ZNF761: variants seen among roughly 807,000 people sequenced by gnomAD.
The protein encoded by ZNF761 is zinc finger protein 761.
ZNF761 carries 43 observed loss-of-function variants against 59.9 expected under a neutral mutation model. The observed-to-expected ratio is 0.72, with a 90% CI of 0.56 to 0.92. The LOEUF is 0.92. Ranked by LOEUF, ZNF761 falls within the 40% of genes least tolerant of loss-of-function variation. The probability of loss-of-function intolerance (pLI) is 0.00; values close to 1 mark genes in which losing one functional copy is unlikely to be tolerated. For synonymous variants in ZNF761, 294 were observed against 304.8 expected, an observed-to-expected ratio of 0.96 and a Z score of 0.37; for missense variants, 850 against 906.1, an observed-to-expected ratio of 0.94 and a Z score of 0.79.
chr19:53,456,251 G>A lies in ZNF761; in HGVS notation c.1744G>A (p.Asp582Asn). Reference protein sequence around the residue: ...HSGENPYKCEDSDKAYSFKSN... With the variant: ...HSGENPYKCENSDKAYSFKSN... ...TGGAGAGAACCCTTACAAATGTGAA[G>A]ATAGTGACAAAGCTTACAGTTTCAA... Residue 582 changes from aspartate (D) to asparagine (N), a missense_variant, in exon 5 of 5, where the codon GAT becomes AAT. By Grantham distance (23) the Asp-to-Asn change is conservative. Transcript: ENST00000684525. 1 of 1,613,966 alleles carries A rather than the reference G, an allele frequency of 6.2e-7. No homozygotes were observed. The highest frequency in any genetic ancestry group is 8.5e-7 in the Non-Finnish European group (1 of 1,179,974).
intron 1 of ZNF761, among the ~76,000 whole-genome samples, chr19:53,435,022 TA>T (rs767828650): frequency 3.3e-5 from 5 of 152,098 alleles, no homozygotes; most frequent in Non-Finnish European, 7.3e-5. Context: ...ACGTATGGGG[TA>T]ACCTGCAGTC....
At chr19:53,440,873 A>C (rs2617690) in intron 1 of ZNF761, among the ~76,000 whole-genome samples, 104,390 of 151,938 alleles carry the variant, frequency 0.69, 36,290 homozygotes, top group South Asian at 0.76. Context: ...AACGCGTTTC[A>C]CTACGTTTCC....
chr19:53,432,989 G>A (rs1197505752), intron 1 of ZNF761, among the ~76,000 whole-genome samples: 2 of 151,286 alleles, frequency 1.3e-5, no homozygotes, highest in African/African-American at 4.9e-5. Flanking sequence ...GAGAACAGAG[G>A]GAGAAGCACA....
rs774163302 is a variant in ZNF761 at position 53,456,704 on chromosome 19, C to G, written c.2197C>G (p.Leu733Val). Reference sequence around the variant, plus strand: ...CAAGACCTTTAGTCAGAAGTCAAACCTTACATGCCATCGTAGACTTCATAC... The same window carrying G: ...CAAGACCTTTAGTCAGAAGTCAAACGTTACATGCCATCGTAGACTTCATAC... ...CGKTFSQKSNLTCHRRLHTGE... is the reference protein window; with the variant it reads ...CGKTFSQKSNVTCHRRLHTGE... The change falls in exon 5 of 5, where the codon CTT becomes GTT. Residue 733 changes from leucine to valine, a missense_variant. Leu to Val is a conservative substitution (Grantham distance 32). Coordinates refer to ENST00000684525, the MANE Select transcript of ZNF761 (RefSeq NM_001289951.2). 2.4e-5 allele frequency: 38 copies of G among 1,613,668 alleles called. No individual in the cohort carries two copies. The highest frequency in any genetic ancestry group is 2.9e-5 in the Non-Finnish European group (34 of 1,179,908).
At chr19:53,452,077 G>A (rs2086226732) in intron 4 of ZNF761, among the ~76,000 whole-genome samples, 1 of 152,088 alleles carries the variant, frequency 6.6e-6, no homozygotes, top group African/African-American at 2.4e-5. Context: ...GGCCACCCGA[G>A]GTGGCTCATA....
Position 53,455,617 on chromosome 19 carries a change from A to G in ZNF761, c.1110A>G (p.Thr370=). Residue 370 remains threonine (T), a synonymous_variant, in exon 5 of 5, where the codon ACA becomes ACG. Coordinates refer to ENST00000684525, the MANE Select transcript of ZNF761 (RefSeq NM_001289951.2). ...GKTFSHKSSL[T]CHHRLHTGEK... ...CCTTTAGTCACAAGTCATCCCTTAC[A>G]TGCCATCATAGACTTCATACTGGAG... The G allele has an allele frequency of 6.2e-7, 1 of 1,613,902 alleles. No homozygotes were observed. The highest frequency in any genetic ancestry group is 8.5e-7 in the Non-Finnish European group (1 of 1,179,960).
At chr19:53,442,303 A>G in intron 1 of ZNF761, 2 of 1,278,236 alleles carry the variant, frequency 1.6e-6, no homozygotes, top group Admixed American at 1.7e-5. Flanking sequence ...GAACGAGCTG[A>G]GCTGGCAGAG....
chr19:53,449,463 A>G lies in ZNF761; in HGVS notation c.16-49A>G, dbSNP rs113692409. On this transcript the variant is annotated intron_variant, in intron 3 of 4. Coordinates refer to ENST00000684525, the MANE Select transcript of ZNF761 (RefSeq NM_001289951.2). Reference sequence around the variant, plus strand: ...TCTCTTCTTCTCATTTTCTGTAAAGATAAGAACTCCTCTCATAACCATTTG... The same window carrying G: ...TCTCTTCTTCTCATTTTCTGTAAAGGTAAGAACTCCTCTCATAACCATTTG... 3.9e-3 allele frequency: 6,361 copies of G among 1,614,046 alleles called. 230 individuals carry two copies. The African/African-American group carries it at 0.075, about 19-fold the overall frequency.
Position 53,455,242 on chromosome 19 carries a change from T to C in ZNF761, c.735T>C (p.Asp245=). 6.2e-7 allele frequency: 1 copy of C among 1,614,206 alleles called. No individual in the cohort carries two copies. The highest frequency in any genetic ancestry group is 8.5e-7 in the Non-Finnish European group (1 of 1,180,038). The stretch of plus-strand genomic sequence containing the variant: ...ATTTAGCAGACAAATATAAATGTGA[T>C]GTATGTGGCAAGCTCTTTAATCAGA... The part of the protein sequence containing the change: ...IIHLADKYKC[D]VCGKLFNQKR... Residue 245 remains aspartate, a synonymous_variant, in exon 5 of 5, where the codon GAT becomes GAC. Coordinates refer to ENST00000684525, the MANE Select transcript of ZNF761 (RefSeq NM_001289951.2).
chr19:53,449,759 G>A, intron 4 of ZNF761, 121 bp downstream of exon 4: 3 of 1,530,118 alleles, frequency 2.0e-6, no homozygotes, highest in Non-Finnish European at 1.8e-6. Context: ...TGTGATCATG[G>A]CTCACTGCAG....
intron 1 of ZNF761, among the ~76,000 whole-genome samples, chr19:53,435,201 A>G (rs2086025760): frequency 6.6e-6 from 1 of 150,964 alleles, no homozygotes; most frequent in South Asian, 2.1e-4. Context: ...ACCAGGTGAA[A>G]TCTTGGGGTT....
chr19:53,457,508 A>C lies in ZNF761; in HGVS notation c.*760A>C. The C allele has an allele frequency of 2.6e-6, 1 of 386,648 alleles. No individual in the cohort carries two copies. Among genetic ancestry groups the C allele is most frequent in the Non-Finnish European group, 5.1e-6 (1 of 194,358 alleles). 24.0% of individuals were successfully genotyped at this position (386,648 alleles called of 1,614,324 possible). On this transcript the variant is annotated 3_prime_UTR_variant, in exon 5 of 5. Transcript: ENST00000684525. ...TCTTACAAATGTCATCAATGTGCCAAGGTCTTCAGTCTGAGTTCACTCCTT... is the reference window on the plus strand; with the variant it reads ...TCTTACAAATGTCATCAATGTGCCACGGTCTTCAGTCTGAGTTCACTCCTT...
intron 4 of ZNF761, among the ~76,000 whole-genome samples, 192 bp from the exon 5 acceptor site, chr19:53,454,458 G>A (rs556187383): frequency 8.5e-5 from 13 of 152,210 alleles, no homozygotes; most frequent in Admixed American, 4.6e-4. Flanking sequence ...ATAGACTTCC[G>A]TAAAAATAAT....
intron 1 of ZNF761, among the ~76,000 whole-genome samples, chr19:53,433,025 G>A (rs112366657): frequency 0.015 from 1,087 of 70,782 alleles, 17 homozygotes; most frequent in African/African-American, 0.06. Context: ...GGGGATCTGG[G>A]GTGCTAGAGA....
chr19:53,447,118 G>A (rs565482671), intron 2 of ZNF761, 78 bp from the exon 3 acceptor site: 29 of 899,582 alleles, frequency 3.2e-5, no homozygotes, highest in African/African-American at 2.8e-4. Context: ...GGGTGAGGTC[G>A]CCTTTGTATG....
intron 1 of ZNF761, among the ~76,000 whole-genome samples, chr19:53,439,781 A>C (rs2086079815): frequency 6.6e-6 from 1 of 152,110 alleles, no homozygotes; most frequent in African/African-American, 2.4e-5. Context: ...GGCGACTGGC[A>C]TTGGACTAAA....
intron 1 of ZNF761, among the ~76,000 whole-genome samples, chr19:53,438,556 G>GT (rs2086066271): frequency 6.6e-6 from 1 of 152,174 alleles, no homozygotes; most frequent in Non-Finnish European, 1.5e-5. Flanking sequence ...TTCTTGGTTA[G>GT]TTTTTTAAAA....
In ZNF761 at chr19:53,456,550, TA is replaced by T; in HGVS notation, c.2044del (p.Arg682AspfsTer91). On this transcript the variant is annotated frameshift_variant, in exon 5 of 5. Transcript: ENST00000684525. LOFTEE classifies it high-confidence loss of function. Reference sequence around the variant, plus strand: ...GGAAGTCATATTTTATATGCCATCATAGACTTCATACTGGAGAGAAACCTTA... The same window carrying T: ...GGAAGTCATATTTTATATGCCATCATGACTTCATACTGGAGAGAAACCTTA... Reference protein sequence around the residue: ...SRKSYFICHHRLHTGEKPYKC... With the variant: ...SRKSYFICHHXLHTGEKPYKC... 6.2e-7 allele frequency: 1 copy of T among 1,613,150 alleles called. No individual in the cohort carries two copies. Among genetic ancestry groups the T allele is most frequent in the Non-Finnish European group, 8.5e-7 (1 of 1,179,548 alleles).
intron 4 of ZNF761, among the ~76,000 whole-genome samples, chr19:53,452,968 CTCTGA>C (rs1220204207): frequency 1.7e-4 from 26 of 152,232 alleles, no homozygotes; most frequent in African/African-American, 6.3e-4. Context: ...AAAATGTTTT[CTCTGA>C]TCTTAGTTTA....
Sources: allele counts gnomAD v4.1 joint callset (sites outside exome capture counted in the v4.1 genomes callset), GRCh38; gene constraint gnomAD v4.1.1; transcripts MANE v1.5; gene names NCBI Gene and HGNC (gene_info 2026-07-23, HGNC 2026-07-21).